The following DCTN4 variants were observed in gnomAD, a reference collection of about 807,000 sequenced individuals.
DCTN4 encodes dynactin 4 (p62).
DCTN4 carries 23 observed loss-of-function variants against 62.7 expected under a neutral mutation model. The ratio of observed to expected loss-of-function variants is 0.37; its 90% CI spans 0.26 to 0.52. The LOEUF is 0.52. Among genes scored for constraint, DCTN4 ranks in the 20% least tolerant of loss-of-function variants. DCTN4 has a pLI of 0.92. For missense variants in DCTN4, 514 were observed against 580.4 expected, an observed-to-expected ratio of 0.89 and a Z score of 1.18; for synonymous variants, 199 against 202.1, an observed-to-expected ratio of 0.98 and a Z score of 0.13.
At chr5:150,726,934 A>G (rs1760165836) in intron 8 of DCTN4, among the ~76,000 whole-genome samples, 1 of 152,208 alleles carries the variant, frequency 6.6e-6, no homozygotes, top group African/African-American at 2.4e-5. Context: ...GTGACCACAA[A>G]GCATCATTTT....
At chr5:150,738,132 T>A (rs1274192572) in intron 4 of DCTN4, among the ~76,000 whole-genome samples, 2 of 151,750 alleles carry the variant, frequency 1.3e-5, no homozygotes, top group African/African-American at 4.8e-5. Flanking sequence ...TAAAAAAAAC[T>A]GTCCACAAAA....
At chr5:150,743,002 C>T (rs555168385) in intron 3 of DCTN4, 17 of 155,822 alleles carry the variant, frequency 1.1e-4, no homozygotes, top group African/African-American at 4.1e-4. Flanking sequence ...GCACCGTGCG[C>T]CAGCCGAAGC....
chr5:150,730,993 A>G, intron 7 of DCTN4, 51 bp downstream of exon 7: 1 of 1,151,428 alleles, frequency 8.7e-7, no homozygotes, highest in Non-Finnish European at 1.3e-6. Flanking sequence ...AAATAACAAA[A>G]ACAGAATTAG....
Position 150,728,190 on chromosome 5 carries a change from T to G in DCTN4, c.834+2441A>C, listed in dbSNP as rs1430988882. On this transcript the variant is annotated intron_variant, in intron 8 of 12. Coordinates refer to ENST00000447998, the MANE Select transcript of DCTN4 (RefSeq NM_016221.4). Reference sequence around the variant, plus strand: ...AGAGAAAGTCTTGTGTTATTGAGCATCTTAGCCTATTTATTATTATAAAGT... The same window carrying G: ...AGAGAAAGTCTTGTGTTATTGAGCAGCTTAGCCTATTTATTATTATAAAGT... Among the ~76,000 whole-genome samples, 3 of 152,220 alleles carry G rather than the reference T, an allele frequency of 2.0e-5. No individual in the cohort carries two copies. In the East Asian group the frequency reaches 5.8e-4, roughly 29 times the overall value.
At chr5:150,720,201 T>A (rs986303785) in intron 9 of DCTN4, among the ~76,000 whole-genome samples, 4 of 152,234 alleles carry the variant, frequency 2.6e-5, no homozygotes, top group African/African-American at 9.6e-5. Flanking sequence ...TTCATTATTG[T>A]GCATACATTA....
At chr5:150,725,157 C>CAAAAAAA (rs966438340) in intron 8 of DCTN4, among the ~76,000 whole-genome samples, 1 of 53,378 alleles carries the variant, frequency 1.9e-5, no homozygotes, top group African/African-American at 5.7e-5. Flanking sequence ...GACTCCGTCT[C>CAAAAAAA]AAAAAAAAAA....
chr5:150,709,614 TA>T lies in DCTN4; in HGVS notation c.*1534del, dbSNP rs1429015052. 6.6e-6 allele frequency: 1 copy of T among 152,494 alleles called. No homozygotes were observed. The highest frequency in any genetic ancestry group is 1.9e-4 in the East Asian group (1 of 5,328). 9.4% of individuals were successfully genotyped at this position (152,494 alleles called of 1,614,324 possible). ...TTTCCTTCTTACACTGCATCACATA[TA>T]TTACTCTGTAGGACTGTTTCATAAA... On this transcript the variant is annotated 3_prime_UTR_variant, in exon 13 of 13. Coordinates refer to ENST00000447998, the MANE Select transcript of DCTN4 (RefSeq NM_016221.4).
In DCTN4 at chr5:150,758,852, C is replaced by G. The variant is rs755788458; in HGVS notation, c.135+7G>C. On this transcript the variant is annotated splice_region_variant and intron_variant, in intron 1 of 12. Transcript: ENST00000447998. Reference sequence around the variant, plus strand: ...CCCACATACTCGCTATAGGGCGACTCTGTTACCTCGTGAGACACACATTCC... The same window carrying G: ...CCCACATACTCGCTATAGGGCGACTGTGTTACCTCGTGAGACACACATTCC... The G allele has an allele frequency of 1.2e-5, 20 of 1,613,844 alleles. No homozygotes were observed. The South Asian group carries it at 2.0e-4, about 16-fold the overall frequency.
At chr5:150,729,533 T>C (rs1275042713) in intron 8 of DCTN4, among the ~76,000 whole-genome samples, 3 of 152,110 alleles carry the variant, frequency 2.0e-5, no homozygotes, top group African/African-American at 7.2e-5. Context: ...AATATTTCTG[T>C]ATGTATCTCC....
chr5:150,758,970 G>A lies in DCTN4; in HGVS notation c.24C>T (p.Asp8=). 6.2e-7 allele frequency: 1 copy of A among 1,614,098 alleles called. No homozygotes were observed. The highest frequency in any genetic ancestry group is 8.5e-7 in the Non-Finnish European group (1 of 1,179,978). Residue 8 remains aspartate (D), a synonymous_variant, in exon 1 of 13, where the codon GAC becomes GAT. Coordinates refer to ENST00000447998, the MANE Select transcript of DCTN4 (RefSeq NM_016221.4). MASLLQS[D]RVLYLVQGEK... The stretch of plus-strand genomic sequence containing the variant: ...CTCCCTGGACTAGATAGAGAACCCG[G>A]TCCGACTGCAGCAAGGACGCCATCT...
rs965528368 is a variant in DCTN4 at position 150,730,883 on chromosome 5, G to A, written c.725-143C>T. The A allele has an allele frequency of 6.0e-6, 5 of 833,024 alleles. No homozygotes were observed. In the South Asian group the frequency reaches 8.6e-5, roughly 14 times the overall value. The allele number at this position is 833,024 out of a possible 1,614,324, so 51.6% of individuals were successfully genotyped here. ...GAAAATATAGAAAGTTGACATTTTAGATTTCAAACAATTACCTCTATTACA... is the reference window on the plus strand; with the variant it reads ...GAAAATATAGAAAGTTGACATTTTAAATTTCAAACAATTACCTCTATTACA... On this transcript the variant is annotated intron_variant, in intron 7 of 12. Coordinates refer to ENST00000447998, the MANE Select transcript of DCTN4 (RefSeq NM_016221.4).
intron 8 of DCTN4, among the ~76,000 whole-genome samples, chr5:150,725,829 T>C (rs962631580): frequency 2.6e-5 from 4 of 152,206 alleles, no homozygotes; most frequent in South Asian, 2.1e-4. Flanking sequence ...TGAAAGTTGG[T>C]AGACAATATT....
chr5:150,720,431 T>G (rs1330623949), intron 9 of DCTN4, among the ~76,000 whole-genome samples: 4 of 151,572 alleles, frequency 2.6e-5, no homozygotes, highest in Non-Finnish European at 5.9e-5. Context: ...AAGACCCCAC[T>G]TCTAAGAATT....
In DCTN4 at chr5:150,742,273, T is replaced by C. The variant is rs971722547; in HGVS notation, c.386-116A>G. ...TTAAAACATAAGTTATATAGACCAT[T>C]CTGGTCTATATAACTATAGACTATA... On this transcript the variant is annotated intron_variant, in intron 3 of 12. Coordinates refer to ENST00000447998, the MANE Select transcript of DCTN4 (RefSeq NM_016221.4). The C allele has an allele frequency of 3.4e-5, 34 of 986,932 alleles. 1 individual carries two copies. In the Admixed American group the frequency reaches 6.1e-4, roughly 18 times the overall value. The allele number at this position is 986,932 out of a possible 1,614,324, so 61.1% of individuals were successfully genotyped here.
chr5:150,758,286 A>G, intron 1 of DCTN4: 1 of 985,606 alleles, frequency 1.0e-6, no homozygotes, highest in Non-Finnish European at 1.2e-6. Context: ...AGCTCCATAA[A>G]TACACTTTCA....
intron 4 of DCTN4, among the ~76,000 whole-genome samples, chr5:150,735,661 C>T (rs567591972): frequency 1.3e-5 from 2 of 152,272 alleles, no homozygotes; most frequent in African/African-American, 4.8e-5. Context: ...TGAACAGTAG[C>T]CCTCAAGCCC....
At chr5:150,720,792 T>C (rs2113016634) in intron 9 of DCTN4, among the ~76,000 whole-genome samples, 1 of 152,324 alleles carries the variant, frequency 6.6e-6, no homozygotes, top group East Asian at 1.9e-4. Context: ...AGCATCTGTA[T>C]TAAGATAGCC....
intron 3 of DCTN4, among the ~76,000 whole-genome samples, chr5:150,746,154 C>T (rs1291084885): frequency 6.6e-6 from 1 of 151,800 alleles, no homozygotes; most frequent in Non-Finnish European, 1.5e-5. Context: ...TCAGAGAATA[C>T]TACAAACACC....
chr5:150,740,312 T>TA (rs965866831), intron 4 of DCTN4, among the ~76,000 whole-genome samples: 2 of 151,774 alleles, frequency 1.3e-5, no homozygotes, highest in African/African-American at 4.8e-5. Flanking sequence ...CAAACATATT[T>TA]AAAAAAATGG....
Sources: allele counts gnomAD v4.1 joint callset (sites outside exome capture counted in the v4.1 genomes callset), GRCh38; gene constraint gnomAD v4.1.1; transcripts MANE v1.5; gene names NCBI Gene and HGNC (gene_info 2026-07-23, HGNC 2026-07-21).